ADAM22: variants seen among roughly 807,000 people sequenced by gnomAD.
ADAM22 encodes disintegrin and metalloproteinase domain-containing protein 22.
A neutral mutation model predicts 144.6 loss-of-function variants in ADAM22; 65 were observed. The ratio of observed to expected loss-of-function variants is 0.45; its 90% confidence interval spans 0.37 to 0.55. ADAM22 has a LOEUF of 0.55. Ranked by LOEUF, ADAM22 falls within the 20% of genes least tolerant of loss-of-function variation. The probability of loss-of-function intolerance (pLI) is 0.00; values close to 1 mark genes in which losing one functional copy is unlikely to be tolerated. For missense variants in ADAM22, 974 were observed against 1,184.9 expected (o/e 0.82, Z 2.61); for synonymous variants, 391 against 412.6 (o/e 0.95, Z 0.63).
At chr7:88,110,976 C>T (rs979674712) in intron 5 of ADAM22, among the ~76,000 whole-genome samples, 1 of 146,152 alleles carries the variant, frequency 6.8e-6, no homozygotes, top group Admixed American at 6.9e-5. Flanking sequence ...CTCCTGACCT[C>T]GTGATCCGCC....
intron 3 of ADAM22, among the ~76,000 whole-genome samples, chr7:88,021,829 T>C (rs1219787582): frequency 6.6e-6 from 1 of 152,056 alleles, no homozygotes; most frequent in East Asian, 1.9e-4. Flanking sequence ...GAGACAATGG[T>C]ATAAAGTTTA....
chr7:88,098,391 A>G (rs1822028317), intron 4 of ADAM22, among the ~76,000 whole-genome samples: 2 of 152,178 alleles, frequency 1.3e-5, no homozygotes, highest in South Asian at 4.1e-4. Context: ...TTACTTGGCT[A>G]TGTATAAAGA....
chr7:88,129,144 T>G (rs1179026057), intron 9 of ADAM22, among the ~76,000 whole-genome samples: 1 of 152,008 alleles, frequency 6.6e-6, no homozygotes, highest in Non-Finnish European at 1.5e-5. Context: ...CCATTTAGCT[T>G]AGGATGAAGT....
At position 88,172,846 on chromosome 7, in the gene ADAM22, G is replaced by T. The variant is rs963282241; in HGVS notation, c.2300+1285G>T. 2.6e-5 allele frequency among the ~76,000 whole-genome samples: 4 copies of T among 152,098 alleles called. No homozygotes were observed. The East Asian group carries it at 7.7e-4, about 29-fold the overall frequency. On this transcript the variant is annotated intron_variant, in intron 26 of 31. Coordinates refer to ENST00000413139, the MANE Select transcript of ADAM22 (RefSeq NM_001324418.2). ...TGTCCAAAAGCGCTTGCTTAGAGCA[G>T]GAGCCGCCGTTTAGACTTTCTGTTG...
chr7:88,010,358 A>C (rs181228530), intron 3 of ADAM22, among the ~76,000 whole-genome samples: 83 of 152,310 alleles, frequency 5.4e-4, no homozygotes, highest in African/African-American at 2.0e-3. Flanking sequence ...TGGCTTTGGT[A>C]GAAAGAATTT....
rs575033079 is a variant in ADAM22 at position 88,018,761 on chromosome 7, ATGT to A, written c.323+40354_323+40356del. On this transcript the variant is annotated intron_variant, in intron 3 of 31. Coordinates refer to ENST00000413139, the MANE Select transcript of ADAM22 (RefSeq NM_001324418.2). ...GAACATGAAAATCCCTGGAGATCAA[ATGT>A]TGTTTAAATTGTTTCTTAGCAGTGA... Among the ~76,000 whole-genome samples, 640 of 152,318 alleles carry A rather than the reference ATGT, an allele frequency of 4.2e-3. 2 individuals are homozygous for A. Among genetic ancestry groups the A allele is most frequent in the Middle Eastern group, 0.037 (11 of 294 alleles).
intron 3 of ADAM22, among the ~76,000 whole-genome samples, chr7:88,040,484 C>A (rs1392306367): frequency 6.6e-6 from 1 of 152,054 alleles, no homozygotes; most frequent in Admixed American, 6.5e-5. Context: ...ATCAGGTCTT[C>A]TAGATTTTCA....
intron 8 of ADAM22, among the ~76,000 whole-genome samples, chr7:88,127,929 G>C (rs1235198418): frequency 1.3e-5 from 2 of 151,920 alleles, no homozygotes; most frequent in South Asian, 4.1e-4. Context: ...TCATTATTTC[G>C]AAAGAGAAGA....
intron 2 of ADAM22, among the ~76,000 whole-genome samples, chr7:87,967,807 C>CAAAAAAAAA (rs35787636): frequency 1.1e-4 from 7 of 60,950 alleles, no homozygotes; most frequent in African/African-American, 5.1e-4. Context: ...GACTCTGTCT[C>CAAAAAAAAA]AAAAAAAAAA....
intron 2 of ADAM22, among the ~76,000 whole-genome samples, chr7:87,970,485 T>A (rs1170798176): frequency 6.6e-6 from 1 of 152,208 alleles, no homozygotes; most frequent in Non-Finnish European, 1.5e-5. Context: ...ATCAATTCGT[T>A]ATTCAGGTTG....
chr7:88,059,422 TATA>T (rs1809149975), intron 3 of ADAM22, among the ~76,000 whole-genome samples: 1 of 152,310 alleles, frequency 6.6e-6, no homozygotes, highest in African/African-American at 2.4e-5. Context: ...AGCTCAAAGC[TATA>T]ATAATATATA....
chr7:87,965,164 T>C (rs779080312), intron 2 of ADAM22, among the ~76,000 whole-genome samples: 1 of 152,206 alleles, frequency 6.6e-6, no homozygotes, highest in African/African-American at 2.4e-5. Context: ...TCTTGTTTGG[T>C]GTCCCAATAA....
At chr7:87,946,611 C>T (rs1258418656) in intron 2 of ADAM22, among the ~76,000 whole-genome samples, 1 of 152,200 alleles carries the variant, frequency 6.6e-6, no homozygotes, top group Non-Finnish European at 1.5e-5. Context: ...AGAGGGAGTT[C>T]TTTCCCCATG....
In ADAM22 at chr7:87,999,114, A is replaced by G. The variant is rs143353924; in HGVS notation, c.323+20702A>G. ...TATTTTATATTTTAAAATACTGTGA[A>G]GTGGTACATGTGTAGCACCCACTAC... is the stretch of plus-strand genomic sequence containing the variant. On this transcript the variant is annotated intron_variant, in intron 3 of 31. Coordinates refer to ENST00000413139, the MANE Select transcript of ADAM22 (RefSeq NM_001324418.2). Among the ~76,000 whole-genome samples, 6 of 152,306 alleles carry G rather than the reference A, an allele frequency of 3.9e-5. No homozygotes were observed. In the East Asian group the frequency reaches 1.2e-3, roughly 29 times the overall value.
At chr7:88,010,725 G>A (rs1385784563) in intron 3 of ADAM22, among the ~76,000 whole-genome samples, 1 of 152,120 alleles carries the variant, frequency 6.6e-6, no homozygotes, top group African/African-American at 2.4e-5. Flanking sequence ...GCATGTGGTG[G>A]GTTGGAATAG....
At chr7:88,045,168 C>T (rs1044600479) in intron 3 of ADAM22, among the ~76,000 whole-genome samples, 1 of 151,876 alleles carries the variant, frequency 6.6e-6, no homozygotes, top group Non-Finnish European at 1.5e-5. Flanking sequence ...CAGGCACCTG[C>T]CACCACACCG....
chr7:88,034,339 G>A (rs1311431233), intron 3 of ADAM22, among the ~76,000 whole-genome samples: 1 of 152,182 alleles, frequency 6.6e-6, no homozygotes, highest in African/African-American at 2.4e-5. Flanking sequence ...ATGCCTGGGA[G>A]CTGGGCCCTG....
intron 3 of ADAM22, among the ~76,000 whole-genome samples, chr7:87,991,901 A>G (rs377466006): frequency 1.1e-4 from 16 of 152,376 alleles, no homozygotes; most frequent in Admixed American, 7.2e-4. Flanking sequence ...TACTCTTCCC[A>G]AGATTGAAAC....
At chr7:88,116,300 A>G (rs76107914) in intron 6 of ADAM22, among the ~76,000 whole-genome samples, 4,945 of 152,282 alleles carry the variant, frequency 0.032, 134 homozygotes, top group Non-Finnish European at 0.052. Context: ...ATTTCAGAAC[A>G]GGGTCCACTT....
Sources: gnomAD v4.1 joint callset for allele counts (sites outside exome capture counted in the v4.1 genomes callset) on GRCh38, gnomAD v4.1.1 for gene constraint, MANE v1.5 for transcripts, NCBI Gene and HGNC (gene_info 2026-07-23, HGNC 2026-07-21) for gene names.